The following ASCC3 variants were observed in gnomAD, a reference collection of about 807,000 sequenced individuals.
The protein encoded by ASCC3 is activating signal cointegrator 1 complex subunit 3.
In ASCC3, 158 loss-of-function variants were observed where a neutral mutation model predicts 256.3. That is an observed-to-expected ratio of 0.62 (90% confidence interval 0.54 to 0.70). ASCC3 has a LOEUF of 0.70. Among genes scored for constraint, ASCC3 ranks in the 30% least tolerant of loss-of-function variants. The pLI, the probability that ASCC3 is intolerant of heterozygous loss-of-function variation, is 0.00. For missense variants in ASCC3, 2,259 were observed against 2,626.0 expected (o/e 0.86, Z 3.05); for synonymous variants, 948 against 883.4 (o/e 1.07, Z -1.30).
intron 33 of ASCC3, among the ~76,000 whole-genome samples, chr6:100,603,744 T>C (rs560356646): frequency 6.6e-6 from 1 of 152,248 alleles, no homozygotes; most frequent in Non-Finnish European, 1.5e-5. Flanking sequence ...ATTATATCCA[T>C]TCATTTTTCA....
In ASCC3 at chr6:100,657,876, C is replaced by T. The variant is rs539674553; in HGVS notation, c.2704-2058G>A. On this transcript the variant is annotated intron_variant, in intron 16 of 41. Transcript: ENST00000369162. Reference sequence around the variant, plus strand: ...GTAATATTTGAATGCCACCTAGTGACAAAAAATAAAAATGTATTTGTAAAT... The same window carrying T: ...GTAATATTTGAATGCCACCTAGTGATAAAAAATAAAAATGTATTTGTAAAT... Among the ~76,000 whole-genome samples the T allele has an allele frequency of 2.6e-5, 4 of 151,470 alleles. No individual in the cohort carries two copies. In the South Asian group the frequency reaches 8.3e-4, roughly 32 times the overall value.
At chr6:100,783,748 T>C (rs1056795739) in intron 8 of ASCC3, among the ~76,000 whole-genome samples, 2 of 152,214 alleles carry the variant, frequency 1.3e-5, no homozygotes, top group Non-Finnish European at 2.9e-5. Context: ...TGATTTCTAA[T>C]GCTCTTAAAT....
At chr6:100,806,351 G>A (rs903061400) in intron 4 of ASCC3, among the ~76,000 whole-genome samples, 4 of 151,910 alleles carry the variant, frequency 2.6e-5, no homozygotes, top group African/African-American at 9.7e-5. Context: ...TATTTTAAAT[G>A]CTAAATAAGT....
rs569687930 is a variant in ASCC3, at chr6:100,855,099, T to G, written c.242-6392A>C. On this transcript the variant is annotated intron_variant, in intron 3 of 41. Coordinates refer to ENST00000369162, the MANE Select transcript of ASCC3 (RefSeq NM_006828.4). ...TAATCTACTAATAAACTAAAGCAAA[T>G]TGTCAAGAACCTTTTTTTTTTTTTC... 2.0e-5 allele frequency among the ~76,000 whole-genome samples: 3 copies of G among 146,712 alleles called. No individual in the cohort carries two copies. In the South Asian group the frequency reaches 6.9e-4, roughly 34 times the overall value.
intron 10 of ASCC3, among the ~76,000 whole-genome samples, chr6:100,739,340 G>C (rs1037622198): frequency 6.6e-6 from 1 of 152,164 alleles, no homozygotes; most frequent in African/African-American, 2.4e-5. Flanking sequence ...GATTTGGTTT[G>C]CCAGTATTTT....
intron 10 of ASCC3, among the ~76,000 whole-genome samples, chr6:100,728,560 G>A (rs889705379): frequency 6.6e-6 from 1 of 151,848 alleles, no homozygotes; most frequent in Non-Finnish European, 1.5e-5. Context: ...TTTTATTGCT[G>A]TATAATTTAT....
intron 10 of ASCC3, among the ~76,000 whole-genome samples, chr6:100,748,068 G>T (rs988052572): frequency 6.6e-6 from 1 of 151,798 alleles, no homozygotes; most frequent in Non-Finnish European, 1.5e-5. Context: ...TCTTCAAAAG[G>T]TTTTCTTCTA....
At chr6:100,620,694 C>T (rs1417603334) in intron 30 of ASCC3, among the ~76,000 whole-genome samples, 1 of 152,154 alleles carries the variant, frequency 6.6e-6, no homozygotes, top group Admixed American at 6.6e-5. Context: ...TGTGCTTCCT[C>T]TGAATGCTCA....
chr6:100,811,448 C>T (rs1453373869), intron 4 of ASCC3, among the ~76,000 whole-genome samples: 1 of 151,992 alleles, frequency 6.6e-6, no homozygotes, highest in Non-Finnish European at 1.5e-5. Flanking sequence ...TCTAGTTACA[C>T]TTAATATCAA....
rs146334329 is a variant in ASCC3, at chr6:100,818,405, A to G, written c.802-12525T>C. Among the ~76,000 whole-genome samples the G allele has an allele frequency of 3.9e-4, 60 of 151,936 alleles. 1 individual carries two copies. Among genetic ancestry groups the G allele is most frequent in the African/African-American group, 1.4e-3 (59 of 41,418 alleles). ...AAGATGGTGAAACCCCACCTCTACT[A>G]AAAATACAAAAACTAGCTGGGTGCA... On this transcript the variant is annotated intron_variant, in intron 4 of 41. Transcript: ENST00000369162.
chr6:100,527,928 C>T (rs1774666246), intron 37 of ASCC3, among the ~76,000 whole-genome samples: 1 of 151,712 alleles, frequency 6.6e-6, no homozygotes, highest in Non-Finnish European at 1.5e-5. Flanking sequence ...CAGCCTCAAA[C>T]TCCTGGGCTC....
At chr6:100,523,162 G>A (rs1774391448) in intron 37 of ASCC3, among the ~76,000 whole-genome samples, 1 of 151,714 alleles carries the variant, frequency 6.6e-6, no homozygotes, top group Non-Finnish European at 1.5e-5. Flanking sequence ...TGAGAGTTTA[G>A]AGTACTGTGC....
intron 1 of ASCC3, among the ~76,000 whole-genome samples, chr6:100,875,378 G>A (rs1773949169): frequency 1.3e-5 from 2 of 152,134 alleles, no homozygotes; most frequent in Admixed American, 6.5e-5. Context: ...TTTAATTATG[G>A]GCTATCAAGT....
chr6:100,699,254 A>G (rs1424512872), intron 13 of ASCC3, among the ~76,000 whole-genome samples: 2 of 152,164 alleles, frequency 1.3e-5, no homozygotes, highest in Non-Finnish European at 2.9e-5. Flanking sequence ...TAATTGAATC[A>G]TGGGGGTGGG....
chr6:100,707,273 T>C (rs1208101949), intron 13 of ASCC3, among the ~76,000 whole-genome samples: 1 of 152,094 alleles, frequency 6.6e-6, no homozygotes, highest in Non-Finnish European at 1.5e-5. Flanking sequence ...ATTTTAAATA[T>C]AATCCCTTTA....
chr6:100,695,068 T>C (rs1778020872), intron 13 of ASCC3, among the ~76,000 whole-genome samples: 1 of 152,186 alleles, frequency 6.6e-6, no homozygotes, highest in Non-Finnish European at 1.5e-5. Flanking sequence ...TGTCAAGTAC[T>C]AAGACATAAC....
At chr6:100,557,313 T>C (rs1393586016) in intron 36 of ASCC3, among the ~76,000 whole-genome samples, 1 of 152,188 alleles carries the variant, frequency 6.6e-6, no homozygotes, top group East Asian at 1.9e-4. Flanking sequence ...ATGCTTTAGC[T>C]GGATCTCATA....
chr6:100,543,226 C>T (rs192276863), intron 36 of ASCC3, among the ~76,000 whole-genome samples: 8 of 123,424 alleles, frequency 6.5e-5, no homozygotes, highest in East Asian at 4.3e-4. Flanking sequence ...CTTAATACAA[C>T]GTAAATGCTA....
At chr6:100,751,106 T>G (rs1365909737) in intron 10 of ASCC3, among the ~76,000 whole-genome samples, 4 of 152,004 alleles carry the variant, frequency 2.6e-5, no homozygotes, top group Non-Finnish European at 5.9e-5. Context: ...CTTAGACTAT[T>G]CCCTCATGCT....
Sources: gnomAD v4.1 joint callset for allele counts (sites outside exome capture counted in the v4.1 genomes callset) on GRCh38, gnomAD v4.1.1 for gene constraint, MANE v1.5 for transcripts, NCBI Gene and HGNC (gene_info 2026-07-23, HGNC 2026-07-21) for gene names.